The following PDE11A variants were observed in gnomAD, a reference collection of about 807,000 sequenced individuals.
PDE11A encodes the protein phosphodiesterase 11A, also known as dual 3',5'-cyclic-AMP and -GMP phosphodiesterase 11A.
A neutral mutation model predicts 100.5 loss-of-function variants in PDE11A; 100 were observed. The ratio of observed to expected loss-of-function variants is 1.00; its 90% CI spans 0.85 to 1.18. The LOEUF (loss-of-function observed/expected upper bound fraction) is 1.18, where lower values mean the gene tolerates loss of function less well. Among genes scored for constraint, PDE11A ranks in the 50% most tolerant of loss-of-function variants. The pLI is 0.00. For missense variants in PDE11A, 1,141 were observed against 1,152.6 expected (o/e 0.99, Z 0.15); for synonymous variants, 381 against 420.8 (o/e 0.91, Z 1.16).
chr2:177,924,227 C>T (rs1385074463), intron 2 of PDE11A, among the ~76,000 whole-genome samples: 1 of 152,124 alleles, frequency 6.6e-6, no homozygotes, highest in Non-Finnish European at 1.5e-5. Flanking sequence ...AATATGATCA[C>T]ATATGAACCC....
intron 2 of PDE11A, among the ~76,000 whole-genome samples, chr2:177,982,519 TG>T (rs1484003501): frequency 1.3e-5 from 2 of 150,448 alleles, no homozygotes; most frequent in African/African-American, 2.4e-5. Flanking sequence ...GACACCTTGG[TG>T]GGGGTTTTTA....
At chr2:177,821,518 T>C (rs2083139239) in intron 6 of PDE11A, among the ~76,000 whole-genome samples, 2 of 151,882 alleles carry the variant, frequency 1.3e-5, no homozygotes, top group African/African-American at 4.8e-5. Flanking sequence ...TATTCACCTG[T>C]TCAGCTTCAA....
chr2:177,769,968 G>A (rs1236657443), intron 9 of PDE11A, among the ~76,000 whole-genome samples: 1 of 151,208 alleles, frequency 6.6e-6, no homozygotes. Flanking sequence ...CCTGTGAAAT[G>A]CTCTACAAGC....
intron 1 of PDE11A, among the ~76,000 whole-genome samples, chr2:178,106,354 A>G (rs2087617754): frequency 6.6e-6 from 1 of 152,220 alleles, no homozygotes; most frequent in Non-Finnish European, 1.5e-5. Context: ...CAACTAAGCT[A>G]TTAACCAATA....
rs147866071 is a variant in PDE11A at position 177,766,954 on chromosome 2, G to A, written c.1788+2369C>T. ...ACTTCATATTTTAATATATTTGTGA[G>A]CTAACAATAGAAATGCATACCAAAT... On this transcript the variant is annotated intron_variant, in intron 10 of 19. Coordinates refer to ENST00000286063, the MANE Select transcript of PDE11A (RefSeq NM_016953.4). Among the ~76,000 whole-genome samples, 8 of 152,244 alleles carry A rather than the reference G, an allele frequency of 5.3e-5. No homozygotes were observed. The East Asian group carries it at 1.5e-3, about 29-fold the overall frequency.
chr2:177,705,239 A>C (rs1051195101), intron 13 of PDE11A, among the ~76,000 whole-genome samples: 1 of 151,124 alleles, frequency 6.6e-6, no homozygotes, highest in African/African-American at 2.4e-5. Flanking sequence ...TGAAAAAAAA[A>C]CCCTGAGATC....
chr2:177,931,343 C>T (rs979862543), intron 2 of PDE11A, among the ~76,000 whole-genome samples: 2 of 152,160 alleles, frequency 1.3e-5, no homozygotes, highest in Non-Finnish European at 2.9e-5. Context: ...AGCTAATTAA[C>T]ATATGCATTC....
At chr2:177,893,825 T>G (rs2084569033) in intron 4 of PDE11A, among the ~76,000 whole-genome samples, 1 of 152,194 alleles carries the variant, frequency 6.6e-6, no homozygotes, top group Admixed American at 6.5e-5. Context: ...GGTATAATTG[T>G]GGATTTGCTT....
At chr2:177,815,372 C>T (rs1558951925) in intron 9 of PDE11A, among the ~76,000 whole-genome samples, 1 of 152,194 alleles carries the variant, frequency 6.6e-6, no homozygotes, top group Non-Finnish European at 1.5e-5. Flanking sequence ...GTTCTGCACA[C>T]AGACCTTAAT....
intron 10 of PDE11A, among the ~76,000 whole-genome samples, chr2:177,743,665 T>C (rs1276775911): frequency 1.3e-5 from 2 of 152,228 alleles, no homozygotes; most frequent in Non-Finnish European, 2.9e-5. Flanking sequence ...GTTAGTTTCT[T>C]GTTGAATTCA....
chr2:178,095,146 C>T (rs1464078161), intron 2 of PDE11A, among the ~76,000 whole-genome samples: 1 of 152,160 alleles, frequency 6.6e-6, no homozygotes, highest in Non-Finnish European at 1.5e-5. Flanking sequence ...AGCATTAACT[C>T]AAAAGTCCAT....
At chr2:178,099,193 A>C (rs889407960) in intron 2 of PDE11A, among the ~76,000 whole-genome samples, 3 of 152,218 alleles carry the variant, frequency 2.0e-5, no homozygotes, top group African/African-American at 4.8e-5. Flanking sequence ...TGGGAGGCCG[A>C]GGCGGGCAGA....
chr2:177,633,163 C>G (rs1312948600), intron 19 of PDE11A, among the ~76,000 whole-genome samples: 1 of 152,234 alleles, frequency 6.6e-6, no homozygotes, highest in Non-Finnish European at 1.5e-5. Flanking sequence ...CGTGTAAACA[C>G]CTTGCAGGTG....
chr2:177,903,889 C>T (rs1335034225), intron 3 of PDE11A, among the ~76,000 whole-genome samples: 1 of 152,104 alleles, frequency 6.6e-6, no homozygotes, highest in Non-Finnish European at 1.5e-5. Context: ...CAGATGAAAG[C>T]AGGAGCACGG....
intron 5 of PDE11A, among the ~76,000 whole-genome samples, chr2:177,870,098 G>T (rs2084104695): frequency 6.6e-6 from 1 of 152,136 alleles, no homozygotes; most frequent in Admixed American, 6.6e-5. Flanking sequence ...CCTGCCTTCA[G>T]TTGCATAACT....
At chr2:177,844,659 G>A (rs2083551396) in intron 5 of PDE11A, among the ~76,000 whole-genome samples, 1 of 151,406 alleles carries the variant, frequency 6.6e-6, no homozygotes, top group African/African-American at 2.4e-5. Context: ...AAAGGTCTCT[G>A]GTTTTCCTAG....
At chr2:177,816,743 A>C in intron 9 of PDE11A, 86 bp downstream of exon 9, 1 of 798,328 alleles carries the variant, frequency 1.3e-6, no homozygotes, top group African/African-American at 1.7e-5. Flanking sequence ...AAAATTTGAG[A>C]AATTAAGCCC....
At chr2:177,751,420 T>G (rs544301931) in intron 10 of PDE11A, among the ~76,000 whole-genome samples, 3 of 152,314 alleles carry the variant, frequency 2.0e-5, no homozygotes, top group Non-Finnish European at 4.4e-5. Context: ...TGAGAACCTC[T>G]GTTGTAGGTA....
At chr2:177,983,954 C>A (rs1293987997) in intron 2 of PDE11A, among the ~76,000 whole-genome samples, 3 of 152,176 alleles carry the variant, frequency 2.0e-5, no homozygotes, top group Non-Finnish European at 4.4e-5. Flanking sequence ...CATGACAAAA[C>A]CGACTCCCAA....
Sources: gnomAD v4.1 joint callset for allele counts (sites outside exome capture counted in the v4.1 genomes callset) on GRCh38, gnomAD v4.1.1 for gene constraint, MANE v1.5 for transcripts, NCBI Gene and HGNC (gene_info 2026-07-23, HGNC 2026-07-21) for gene names.